PCDH15: variants seen among roughly 807,000 people sequenced by gnomAD.
The protein encoded by PCDH15 is protocadherin related 15.
PCDH15 carries 129 observed loss-of-function variants against 178.5 expected under a neutral mutation model. That is an observed-to-expected ratio of 0.72 (90% CI 0.63 to 0.84). PCDH15 has a LOEUF of 0.84. PCDH15 is among the 40% of genes least tolerant of loss of function. The probability of loss-of-function intolerance (pLI) is 0.00; values close to 1 mark genes in which losing one functional copy is unlikely to be tolerated. For missense variants in PCDH15, 2,230 were observed against 2,099.9 expected, an observed-to-expected ratio of 1.06 and a Z score of -1.21; for synonymous variants, 800 against 732.0, an observed-to-expected ratio of 1.09 and a Z score of -1.50.
intron 2 of PCDH15, chr10:54,600,775 G>A: frequency 2.2e-6 from 1 of 452,124 alleles, no homozygotes; most frequent in South Asian, 1.8e-5. Context: ...CTCCCATAGG[G>A]GCTCCAGACA....
intron 9 of PCDH15, among the ~76,000 whole-genome samples, chr10:54,236,094 A>AT (rs1344449577): frequency 2.6e-5 from 4 of 152,154 alleles, no homozygotes; most frequent in Non-Finnish European, 4.4e-5. Flanking sequence ...CATTAAAGTT[A>AT]TTTTTCAAGC....
At chr10:55,047,986 G>T (rs1274104908) in intron 2 of PCDH15, among the ~76,000 whole-genome samples, 2 of 151,766 alleles carry the variant, frequency 1.3e-5, no homozygotes, top group Non-Finnish European at 3.0e-5. Context: ...ACAAGCAATG[G>T]CTTATCAGTA....
chr10:55,622,164 T>A (rs1589193913), intron 2 of PCDH15, among the ~76,000 whole-genome samples: 1 of 97,048 alleles, frequency 1.0e-5, no homozygotes, highest in Admixed American at 1.3e-4. Flanking sequence ...AATATATATA[T>A]TATATATATT....
intron 2 of PCDH15, among the ~76,000 whole-genome samples, chr10:55,586,149 G>A (rs1460772883): frequency 6.6e-6 from 1 of 151,962 alleles, no homozygotes; most frequent in Admixed American, 6.6e-5. Flanking sequence ...TCATGACATA[G>A]GTACTATGAT....
chr10:53,993,363 A>G (rs994833524), intron 21 of PCDH15, among the ~76,000 whole-genome samples: 3 of 152,210 alleles, frequency 2.0e-5, no homozygotes, highest in African/African-American at 7.2e-5. Context: ...TAGCAGGCTT[A>G]GAGTTAGACA....
At chr10:53,848,785 CATTA>C (rs2078146013) in intron 28 of PCDH15, among the ~76,000 whole-genome samples, 2 of 152,014 alleles carry the variant, frequency 1.3e-5, no homozygotes, top group African/African-American at 4.8e-5. Context: ...ATTCATTGTG[CATTA>C]ATTAATTTTA....
chr10:54,593,928 C>T lies in PCDH15; in HGVS notation c.92-66051G>A, dbSNP rs369854331. 2.8e-4 allele frequency among the ~76,000 whole-genome samples: 43 copies of T among 151,694 alleles called. No homozygotes were observed. The East Asian group carries it at 4.7e-3, about 16-fold the overall frequency. On this transcript the variant is annotated intron_variant, in intron 2 of 37. Coordinates refer to ENST00000644397, the MANE Select transcript of PCDH15 (RefSeq NM_001384140.1). ...AGAAACATCTCCCACAGAGGGACCACGACATCAGGAAGACGGGTGTACCCC... is the reference window on the plus strand; with the variant it reads ...AGAAACATCTCCCACAGAGGGACCATGACATCAGGAAGACGGGTGTACCCC...
chr10:54,229,964 T>A lies in PCDH15; in HGVS notation c.985+6859A>T, dbSNP rs527325123. Reference sequence around the variant, plus strand: ...TTGTTTCCTAACAAGTAAAATAATCTTTTTTTCCCCTCACCTTAAATCTGG... The same window carrying A: ...TTGTTTCCTAACAAGTAAAATAATCATTTTTTCCCCTCACCTTAAATCTGG... On this transcript the variant is annotated intron_variant, in intron 9 of 37. Coordinates refer to ENST00000644397, the MANE Select transcript of PCDH15 (RefSeq NM_001384140.1). Among the ~76,000 whole-genome samples, 3 of 152,230 alleles carry A rather than the reference T, an allele frequency of 2.0e-5. No homozygotes were observed. In the East Asian group the frequency reaches 5.8e-4, roughly 30 times the overall value.
chr10:53,962,090 C>T (rs2088405955), intron 21 of PCDH15, among the ~76,000 whole-genome samples, 198 bp from the exon 22 acceptor site: 1 of 151,860 alleles, frequency 6.6e-6, no homozygotes, highest in Non-Finnish European at 1.5e-5. Flanking sequence ...TGAAGTATCT[C>T]TACTACAGGT....
chr10:54,981,369 T>C (rs1839227283), intron 2 of PCDH15, among the ~76,000 whole-genome samples: 1 of 152,106 alleles, frequency 6.6e-6, no homozygotes, highest in South Asian at 2.1e-4. Flanking sequence ...ACTACCCTAC[T>C]CCCTGGAAAA....
At chr10:55,351,663 A>C (rs572440647) in intron 2 of PCDH15, among the ~76,000 whole-genome samples, 1 of 152,254 alleles carries the variant, frequency 6.6e-6, no homozygotes, top group Non-Finnish European at 1.5e-5. Flanking sequence ...TTGTCTGAGA[A>C]ACTCATTTAT....
At chr10:54,247,881 A>AAATATATATAT (rs1260841226) in intron 8 of PCDH15, among the ~76,000 whole-genome samples, 1 of 148,494 alleles carries the variant, frequency 6.7e-6, no homozygotes, top group African/African-American at 2.5e-5. Flanking sequence ...AAAAAAAAGA[A>AAATATATATAT]ATATGTATAT....
rs1565229696 is a variant in PCDH15, at chr10:54,421,685, TATATATATACAC to T, written c.158-42755_158-42744del. ...GTGTATATATACATATATATATATA[TATATATATACAC>T]ACACACACACACACTATATATATTT... is the stretch of plus-strand genomic sequence containing the variant. On this transcript the variant is annotated intron_variant, in intron 3 of 37. Transcript: ENST00000644397. Among the ~76,000 whole-genome samples the T allele has an allele frequency of 1.4e-4, 17 of 122,454 alleles. 2 individuals are homozygous for T. The highest frequency in any genetic ancestry group is 5.9e-4 in the African/African-American group (16 of 27,062). The allele number at this position is 122,454 out of a possible 152,430, so 80.3% of individuals were successfully genotyped here.
At chr10:53,964,176 C>A (rs528733342) in intron 21 of PCDH15, among the ~76,000 whole-genome samples, 2 of 152,018 alleles carry the variant, frequency 1.3e-5, no homozygotes, top group East Asian at 3.9e-4. Flanking sequence ...TCTAATACTC[C>A]CTTTAAATTA....
chr10:55,353,481 G>A (rs1416406653), intron 2 of PCDH15, among the ~76,000 whole-genome samples: 4 of 152,212 alleles, frequency 2.6e-5, no homozygotes, highest in Non-Finnish European at 4.4e-5. Flanking sequence ...CCAGAAATTT[G>A]AGAGAAATTT....
chr10:54,036,046 A>G (rs1177538596), intron 18 of PCDH15, among the ~76,000 whole-genome samples: 1 of 151,818 alleles, frequency 6.6e-6, no homozygotes, highest in African/African-American at 2.4e-5. Context: ...GGAGCTTGAG[A>G]GAGGGAAGGA....
chr10:54,325,740 C>T (rs1937865858), intron 7 of PCDH15, among the ~76,000 whole-genome samples: 1 of 151,900 alleles, frequency 6.6e-6, no homozygotes, highest in African/African-American at 2.4e-5. Context: ...CATAGCAATA[C>T]TCTCCTCCCC....
chr10:54,967,851 T>C (rs749968546), intron 2 of PCDH15, among the ~76,000 whole-genome samples: 100 of 152,266 alleles, frequency 6.6e-4, no homozygotes, highest in Non-Finnish European at 4.3e-4. Context: ...GACAGTTATC[T>C]TTTTGCTGTG....
At chr10:54,380,760 G>A (rs1427276921) in intron 3 of PCDH15, among the ~76,000 whole-genome samples, 2 of 127,538 alleles carry the variant, frequency 1.6e-5, no homozygotes, top group Non-Finnish European at 3.2e-5. Flanking sequence ...TCCAAGCTGC[G>A]AGCAGATACA....
Sources: gnomAD v4.1 joint callset for allele counts (sites outside exome capture counted in the v4.1 genomes callset) on GRCh38, gnomAD v4.1.1 for gene constraint, MANE v1.5 for transcripts, NCBI Gene and HGNC (gene_info 2026-07-23, HGNC 2026-07-21) for gene names.